The following CTNNA3 variants were observed in gnomAD, a reference collection of about 807,000 sequenced individuals.
The protein encoded by CTNNA3 is catenin alpha 3.
Under a neutral mutation model 95.7 loss-of-function variants are expected in CTNNA3, and 76 were observed. That is an observed-to-expected ratio of 0.79 (90% CI 0.66 to 0.96). The LOEUF is 0.96. Ranked by LOEUF, CTNNA3 falls within the 40% of genes least tolerant of loss-of-function variation. The pLI is 0.00. For missense variants in CTNNA3, 1,191 were observed against 1,089.8 expected, an observed-to-expected ratio of 1.09 and a Z score of -1.31; for synonymous variants, 431 against 374.4, an observed-to-expected ratio of 1.15 and a Z score of -1.74.
chr10:65,925,583 C>T (rs1457055991), intron 17 of CTNNA3, among the ~76,000 whole-genome samples: 5 of 152,222 alleles, frequency 3.3e-5, no homozygotes, highest in African/African-American at 1.2e-4. Flanking sequence ...ATTACAGGTG[C>T]ATGCCACCAT....
At chr10:67,332,903 C>T (rs2132588459) in intron 5 of CTNNA3, among the ~76,000 whole-genome samples, 1 of 152,282 alleles carries the variant, frequency 6.6e-6, no homozygotes, top group Middle Eastern at 3.4e-3. Flanking sequence ...GTGAATGCCC[C>T]TGCATTCTTT....
At chr10:66,911,475 T>C (rs1846221454) in intron 7 of CTNNA3, among the ~76,000 whole-genome samples, 1 of 152,198 alleles carries the variant, frequency 6.6e-6, no homozygotes, top group Non-Finnish European at 1.5e-5. Flanking sequence ...TCTAGTTAAA[T>C]CTATATGAGG....
At chr10:66,410,511 G>A (rs1054297247) in intron 11 of CTNNA3, among the ~76,000 whole-genome samples, 5 of 152,090 alleles carry the variant, frequency 3.3e-5, no homozygotes, top group Non-Finnish European at 5.9e-5. Flanking sequence ...TTGGCCCCAC[G>A]CTTTTATCAT....
chr10:67,355,740 A>G (rs546866650), intron 5 of CTNNA3, among the ~76,000 whole-genome samples: 1 of 152,190 alleles, frequency 6.6e-6, no homozygotes, highest in South Asian at 2.1e-4. Flanking sequence ...GATAATACAA[A>G]GCTATCATCG....
intron 7 of CTNNA3, among the ~76,000 whole-genome samples, chr10:66,863,211 GCA>G (rs1009541762): frequency 7.9e-5 from 9 of 113,584 alleles, no homozygotes; most frequent in Non-Finnish European, 1.3e-4. Context: ...ACACACACAC[GCA>G]CACACATATA....
intron 7 of CTNNA3, among the ~76,000 whole-genome samples, chr10:66,978,071 C>T (rs74141747): frequency 0.011 from 100 of 8,890 alleles, no homozygotes; most frequent in Middle Eastern, 0.17. Flanking sequence ...TATATATACA[C>T]ACACACACAC....
At chr10:67,175,744 C>T (rs59479556) in intron 7 of CTNNA3, among the ~76,000 whole-genome samples, 9,461 of 152,194 alleles carry the variant, frequency 0.062, 442 homozygotes, top group African/African-American at 0.12. Flanking sequence ...CTAACACATC[C>T]AACCCAACTA....
At chr10:66,336,906 T>C (rs2092403625) in intron 12 of CTNNA3, among the ~76,000 whole-genome samples, 2 of 152,192 alleles carry the variant, frequency 1.3e-5, no homozygotes, top group Admixed American at 6.5e-5. Context: ...ACCTTATTTG[T>C]CTTTTTCACT....
At chr10:66,840,952 GTTTC>G (rs751821299) in intron 7 of CTNNA3, among the ~76,000 whole-genome samples, 6 of 152,020 alleles carry the variant, frequency 3.9e-5, no homozygotes, top group Non-Finnish European at 5.9e-5. Flanking sequence ...TGAAAGGAAG[GTTTC>G]TTTCTAATTT....
intron 7 of CTNNA3, among the ~76,000 whole-genome samples, chr10:67,054,064 CACTT>C (rs1211092627): frequency 6.6e-6 from 1 of 152,144 alleles, no homozygotes; most frequent in Non-Finnish European, 1.5e-5. Flanking sequence ...AGATTACAGA[CACTT>C]AGTATTTACC....
At chr10:66,895,230 A>T (rs950790890) in intron 7 of CTNNA3, among the ~76,000 whole-genome samples, 1 of 151,990 alleles carries the variant, frequency 6.6e-6, no homozygotes, top group Non-Finnish European at 1.5e-5. Context: ...CTATGCCCCA[A>T]TTCTCACACT....
chr10:66,486,034 C>T (rs1039020528), intron 11 of CTNNA3, among the ~76,000 whole-genome samples: 1 of 152,122 alleles, frequency 6.6e-6, no homozygotes, highest in Non-Finnish European at 1.5e-5. Context: ...TACAATTAGG[C>T]CCTTCTCTCA....
intron 10 of CTNNA3, among the ~76,000 whole-genome samples, chr10:66,531,914 T>C (rs1841479294): frequency 6.6e-6 from 1 of 152,106 alleles, no homozygotes; most frequent in Non-Finnish European, 1.5e-5. Flanking sequence ...ACTCAGAGAT[T>C]TAATAAGTTT....
rs201746744 is a variant in CTNNA3, at chr10:66,615,770, T to C, written c.1374+5922A>G. 6.6e-5 allele frequency among the ~76,000 whole-genome samples: 10 copies of C among 152,114 alleles called. No homozygotes were observed. In the South Asian group the frequency reaches 1.2e-3, roughly 19 times the overall value. ...TTCATAGATCCAGGTTTGAAATTCA[T>C]TGAACAAGAGAGCAAATGTCCCTCT... On this transcript the variant is annotated intron_variant, in intron 10 of 17. Transcript: ENST00000433211.
chr10:67,076,911 T>C (rs937398195), intron 7 of CTNNA3, among the ~76,000 whole-genome samples: 1 of 152,230 alleles, frequency 6.6e-6, no homozygotes, highest in Non-Finnish European at 1.5e-5. Context: ...AGTACCTCCA[T>C]GACATCTCCA....
chr10:66,631,896 C>T (rs1210024391), intron 9 of CTNNA3, among the ~76,000 whole-genome samples: 2 of 151,944 alleles, frequency 1.3e-5, no homozygotes, highest in Non-Finnish European at 2.9e-5. Flanking sequence ...CTTCTTCATG[C>T]AGAATGAATG....
At chr10:67,557,274 T>C (rs1841292944) in intron 3 of CTNNA3, among the ~76,000 whole-genome samples, 1 of 152,192 alleles carries the variant, frequency 6.6e-6, no homozygotes, top group South Asian at 2.1e-4. Flanking sequence ...CCAAACAGTT[T>C]CCAACAGAGT....
At chr10:67,025,216 C>G (rs1853293313) in intron 7 of CTNNA3, among the ~76,000 whole-genome samples, 1 of 151,322 alleles carries the variant, frequency 6.6e-6, no homozygotes, top group African/African-American at 2.4e-5. Flanking sequence ...TCAGTATCAC[C>G]CACCAATTGG....
At chr10:67,183,015 C>T (rs113197219) in intron 6 of CTNNA3, among the ~76,000 whole-genome samples, 13,058 of 152,102 alleles carry the variant, frequency 0.086, 630 homozygotes, top group South Asian at 0.2. Context: ...GTTAGAATGG[C>T]GATCATTAAA....
Sources: gnomAD v4.1 joint callset for allele counts (sites outside exome capture counted in the v4.1 genomes callset) on GRCh38, gnomAD v4.1.1 for gene constraint, MANE v1.5 for transcripts, NCBI Gene and HGNC (gene_info 2026-07-23, HGNC 2026-07-21) for gene names.